Variants in TYW1 observed in about 807,000 individuals in gnomAD.
TYW1 encodes tRNA-yW synthesizing protein 1 homolog, also known as S-adenosyl-L-methionine-dependent tRNA 4-demethylwyosine synthase TYW1.
In TYW1, 46 loss-of-function variants were observed where a neutral mutation model predicts 96.2. The ratio of observed to expected loss-of-function variants is 0.48; its 90% CI spans 0.38 to 0.61. The LOEUF is 0.61. Among genes scored for constraint, TYW1 ranks in the 20% least tolerant of loss-of-function variants. The pLI is 0.00. For synonymous variants in TYW1, 274 were observed against 323.0 expected, an observed-to-expected ratio of 0.85 and a Z score of 1.63; for missense variants, 684 against 909.6, an observed-to-expected ratio of 0.75 and a Z score of 3.19.
At chr7:67,068,062 C>T (rs1156392027) in intron 10 of TYW1, among the ~76,000 whole-genome samples, 1 of 148,862 alleles carries the variant, frequency 6.7e-6, no homozygotes, top group Non-Finnish European at 1.5e-5. Flanking sequence ...GCTCTTGTTG[C>T]CCAGGGTGGA....
At chr7:66,998,292 G>C in intron 2 of TYW1, 97 bp downstream of exon 2, 1 of 1,462,738 alleles carries the variant, frequency 6.8e-7, no homozygotes, top group African/African-American at 1.5e-5. Flanking sequence ...TTTTGTGTTT[G>C]GTCTTTAGAC....
chr7:67,051,622 A>C (rs1795356957), intron 8 of TYW1, among the ~76,000 whole-genome samples: 1 of 151,968 alleles, frequency 6.6e-6, no homozygotes, highest in African/African-American at 2.4e-5. Flanking sequence ...ATATTTACTT[A>C]TGTAGTTACT....
At chr7:67,168,464 A>G (rs1799419310) in intron 13 of TYW1, among the ~76,000 whole-genome samples, 1 of 152,110 alleles carries the variant, frequency 6.6e-6, no homozygotes, top group South Asian at 2.1e-4. Flanking sequence ...TGTTCTCTGG[A>G]AGAGTTTAAT....
chr7:67,129,095 T>C (rs1334299801), intron 13 of TYW1, among the ~76,000 whole-genome samples: 3 of 152,326 alleles, frequency 2.0e-5, no homozygotes, highest in East Asian at 3.9e-4. Context: ...TGTGCTGCAG[T>C]TGGCTATTTC....
At chr7:67,061,920 C>T (rs1304397106) in intron 9 of TYW1, among the ~76,000 whole-genome samples, 6 of 152,130 alleles carry the variant, frequency 3.9e-5, no homozygotes, top group Admixed American at 6.6e-5. Flanking sequence ...AACACATCAT[C>T]GTCATTAATT....
chr7:67,235,717 CTGTG>C (rs1801862719), intron 15 of TYW1, among the ~76,000 whole-genome samples: 1 of 151,950 alleles, frequency 6.6e-6, no homozygotes, highest in African/African-American at 2.4e-5. Flanking sequence ...CGGTAAAACA[CTGTG>C]TCTACTGAAA....
At chr7:67,139,244 G>A (rs1332354208) in intron 13 of TYW1, among the ~76,000 whole-genome samples, 1 of 152,160 alleles carries the variant, frequency 6.6e-6, no homozygotes, top group Non-Finnish European at 1.5e-5. Context: ...TAGAGATGGG[G>A]TTTCACTATG....
intron 9 of TYW1, among the ~76,000 whole-genome samples, chr7:67,066,946 T>G (rs1429459535): frequency 6.6e-6 from 1 of 152,252 alleles, no homozygotes; most frequent in Non-Finnish European, 1.5e-5. Flanking sequence ...AGCCCCCATT[T>G]TTTAGGAGTC....
At chr7:67,168,670 A>G (rs1348881235) in intron 13 of TYW1, among the ~76,000 whole-genome samples, 5 of 152,110 alleles carry the variant, frequency 3.3e-5, no homozygotes. Flanking sequence ...ATAGTACCTC[A>G]TTCCTAGTAA....
At chr7:67,233,956 T>A (rs1195708354) in intron 15 of TYW1, among the ~76,000 whole-genome samples, 1 of 135,222 alleles carries the variant, frequency 7.4e-6, no homozygotes, top group East Asian at 2.0e-4. Flanking sequence ...ACTCCCAGCG[T>A]GGCTATATTT....
chr7:67,009,650 A>G lies in TYW1; in HGVS notation c.341A>G (p.Lys114Arg). Residue 114 changes from lysine to arginine, a missense_variant, in exon 4 of 16, where the codon AAA (lysine) becomes AGA (arginine). By Grantham distance (26) the Lys-to-Arg change is conservative. Coordinates refer to ENST00000359626, the MANE Select transcript of TYW1 (RefSeq NM_018264.4). ...LDLPVAIINL[K>R]EYDPDDHLIE... Reference sequence around the variant, plus strand: ...CTGCCTGTGGCCATTATTAATCTAAAAGAATATGATCCAGATGATCATCTG... The same window carrying G: ...CTGCCTGTGGCCATTATTAATCTAAGAGAATATGATCCAGATGATCATCTG... The G allele has an allele frequency of 6.2e-7, 1 of 1,611,780 alleles. No individual in the cohort carries two copies. The highest frequency in any genetic ancestry group is 8.5e-7 in the Non-Finnish European group (1 of 1,179,546).
intron 15 of TYW1, among the ~76,000 whole-genome samples, chr7:67,223,737 C>T (rs1026782685): frequency 6.6e-6 from 1 of 151,698 alleles, no homozygotes; most frequent in Non-Finnish European, 1.5e-5. Context: ...GCAAGCTGCT[C>T]CCATAACATG....
intron 15 of TYW1, among the ~76,000 whole-genome samples, chr7:67,222,857 G>C (rs186415189): frequency 1.8e-5 from 2 of 110,772 alleles, no homozygotes; most frequent in Non-Finnish European, 3.7e-5. Flanking sequence ...ATCTCTGTTC[G>C]CTTTTTTTCT....
chr7:67,184,654 TTATGTTATGTTATG>T (rs1799957047), intron 14 of TYW1, among the ~76,000 whole-genome samples: 2 of 25,984 alleles, frequency 7.7e-5, no homozygotes, highest in East Asian at 1.6e-3. Flanking sequence ...TTTATTTATG[TTATGTTATGTTATG>T]TTATGTTATG....
Position 67,055,826 on chromosome 7 carries a change from T to A in TYW1, c.1103-9T>A, listed in dbSNP as rs1309310619. 1 of 1,608,528 alleles carries A rather than the reference T, an allele frequency of 6.2e-7. No individual in the cohort carries two copies. Among genetic ancestry groups the A allele is most frequent in the South Asian group, 1.1e-5 (1 of 90,052 alleles). On this transcript the variant is annotated splice_polypyrimidine_tract_variant and intron_variant, in intron 8 of 15. Transcript: ENST00000359626. The stretch of plus-strand genomic sequence containing the variant: ...AGTCCAACTTTGTGTTCCCTGCTTT[T>A]CCACTCAGGTTATCAGTTGATTGGG...
Position 67,089,939 on chromosome 7 carries a change from T to C in TYW1, c.1384+6400T>C, listed in dbSNP as rs1796660783. Reference sequence around the variant, plus strand: ...AGAAATAGTTCCCAGAAAATGGGGCTGAGGTTTCTTTAGCTCAATTTTCCA... The same window carrying C: ...AGAAATAGTTCCCAGAAAATGGGGCCGAGGTTTCTTTAGCTCAATTTTCCA... On this transcript the variant is annotated intron_variant, in intron 11 of 15. Coordinates refer to ENST00000359626, the MANE Select transcript of TYW1 (RefSeq NM_018264.4). 3.9e-5 allele frequency among the ~76,000 whole-genome samples: 6 copies of C among 152,308 alleles called. No homozygotes were observed. The South Asian group carries it at 6.2e-4, about 16-fold the overall frequency.
intron 9 of TYW1, among the ~76,000 whole-genome samples, chr7:67,061,320 A>G (rs1240225212): frequency 2.6e-5 from 4 of 152,220 alleles, no homozygotes; most frequent in Non-Finnish European, 1.5e-5. Context: ...AAGAATTCAG[A>G]ATCTAGTCCA....
rs1173169379 is a variant in TYW1 at position 67,197,099 on chromosome 7, T to C, written c.1977+1762T>C. On this transcript the variant is annotated intron_variant, in intron 15 of 15. Coordinates refer to ENST00000359626, the MANE Select transcript of TYW1 (RefSeq NM_018264.4). ...GGCTTTAATCTTGGCCCCTGTCTCTTTAGCTTTTCATCTGGAAAATGGGTA... is the reference window on the plus strand; with the variant it reads ...GGCTTTAATCTTGGCCCCTGTCTCTCTAGCTTTTCATCTGGAAAATGGGTA... 2.0e-5 allele frequency among the ~76,000 whole-genome samples: 3 copies of C among 152,198 alleles called. No homozygotes were observed. The East Asian group carries it at 5.8e-4, about 29-fold the overall frequency.
chr7:67,215,824 C>G (rs1444173918), intron 15 of TYW1, among the ~76,000 whole-genome samples: 5 of 152,168 alleles, frequency 3.3e-5, no homozygotes, highest in Non-Finnish European at 7.3e-5. Context: ...GAGATGTAGG[C>G]TGGGAGGCTA....
Sources: gnomAD v4.1 joint callset for allele counts (sites outside exome capture counted in the v4.1 genomes callset) on GRCh38, gnomAD v4.1.1 for gene constraint, MANE v1.5 for transcripts, NCBI Gene and HGNC (gene_info 2026-07-23, HGNC 2026-07-21) for gene names.